The following CPSF3 variants were observed in gnomAD, a reference collection of about 807,000 sequenced individuals.
The protein encoded by CPSF3 is cleavage and polyadenylation specificity factor subunit 3.
A neutral mutation model predicts 84.1 loss-of-function variants in CPSF3; 57 were observed. The observed-to-expected ratio is 0.68, with a 90% CI of 0.55 to 0.85. CPSF3 has a LOEUF of 0.85. Ranked by LOEUF, CPSF3 falls within the 40% of genes least tolerant of loss-of-function variation. The pLI is 0.00. For synonymous variants in CPSF3, 275 were observed against 278.1 expected (o/e 0.99, Z 0.11); for missense variants, 522 against 838.8 (o/e 0.62, Z 4.66).
At position 9,456,970 on chromosome 2, in the gene CPSF3, T is replaced by C. The variant is rs1242787975; in HGVS notation, c.1641T>C (p.Ala547=). The change falls in exon 14 of 18, where the codon GCT becomes GCC. Residue 547 remains alanine, a synonymous_variant. Coordinates refer to ENST00000238112, the MANE Select transcript of CPSF3 (RefSeq NM_016207.4). ...VEELEIQEKP[A]LKVFKNITVI... ...AATTAGAAATTCAAGAAAAACCTGC[T>C]CTGAAAGTGTTCAAAAATATTACTG... The C allele has an allele frequency of 1.2e-6, 2 of 1,604,378 alleles. No homozygotes were observed. Among genetic ancestry groups the C allele is most frequent in the Non-Finnish European group, 1.7e-6 (2 of 1,174,386 alleles).
chr2:9,435,305 G>T (rs1399668674), intron 6 of CPSF3, among the ~76,000 whole-genome samples: 1 of 152,184 alleles, frequency 6.6e-6, no homozygotes, highest in South Asian at 2.1e-4. Flanking sequence ...CTTATCAGAG[G>T]TGGGAGAAAT....
At chr2:9,454,618 T>C (rs1199853131) in intron 12 of CPSF3, among the ~76,000 whole-genome samples, 3 of 149,138 alleles carry the variant, frequency 2.0e-5, no homozygotes, top group Non-Finnish European at 3.0e-5. Context: ...CGTCTCTGCT[T>C]ACTGCAAGCT....
chr2:9,445,508 G>GC (rs2124830806), intron 10 of CPSF3, among the ~76,000 whole-genome samples: 1 of 152,262 alleles, frequency 6.6e-6, no homozygotes, highest in Admixed American at 6.5e-5. Context: ...AGCATGATAG[G>GC]CCTCACAGGT....
chr2:9,425,270 G>A (rs1680342386), intron 1 of CPSF3, among the ~76,000 whole-genome samples: 1 of 152,228 alleles, frequency 6.6e-6, no homozygotes, highest in Non-Finnish European at 1.5e-5. Context: ...TTGAGGTCCA[G>A]TTTAGGAAGC....
At chr2:9,426,603 G>A (rs756310655) in intron 1 of CPSF3, among the ~76,000 whole-genome samples, 53 of 152,078 alleles carry the variant, frequency 3.5e-4, no homozygotes, top group Non-Finnish European at 6.0e-4. Context: ...GCAAACCCTC[G>A]GAATATCAAC....
At chr2:9,424,192 C>T (rs1680245959) in intron 1 of CPSF3, 3 of 1,026,750 alleles carry the variant, frequency 2.9e-6, no homozygotes, top group African/African-American at 1.7e-5. Flanking sequence ...AGCTTATGAC[C>T]GACAGGATGA....
At position 9,468,619 on chromosome 2, in the gene CPSF3, C is replaced by CTTT. The variant is rs5829213; in HGVS notation, c.1856+866_1856+868dup. Among the ~76,000 whole-genome samples, 113 of 108,322 alleles carry CTTT rather than the reference C, an allele frequency of 1.0e-3. 1 individual carries two copies. The highest frequency in any genetic ancestry group is 2.7e-3 in the East Asian group (10 of 3,692). 71.1% of individuals were successfully genotyped at this position (108,322 alleles called of 152,430 possible). ...TCTTTCCCCAAAATTCTACACTGACCTTTTTTTTTTTTTTTTTTTTTTTTT... is the reference window on the plus strand; with the variant it reads ...TCTTTCCCCAAAATTCTACACTGACCTTTTTTTTTTTTTTTTTTTTTTTTTTTT... On this transcript the variant is annotated intron_variant, in intron 16 of 17. Coordinates refer to ENST00000238112, the MANE Select transcript of CPSF3 (RefSeq NM_016207.4).
intron 16 of CPSF3, among the ~76,000 whole-genome samples, chr2:9,468,619 CTTTTTTTT>C (rs5829213): frequency 1.8e-5 from 2 of 108,334 alleles, no homozygotes; most frequent in African/African-American, 4.2e-5. Context: ...CTACACTGAC[CTTTTTTTT>C]TTTTTTTTTT....
chr2:9,456,188 A>T (rs1468965405), intron 13 of CPSF3, among the ~76,000 whole-genome samples: 1 of 150,500 alleles, frequency 6.6e-6, no homozygotes, highest in African/African-American at 2.5e-5. Flanking sequence ...ATAAGAGTTC[A>T]TGACCACTGG....
At chr2:9,449,608 G>T (rs1288149317) in intron 11 of CPSF3, among the ~76,000 whole-genome samples, 1 of 151,974 alleles carries the variant, frequency 6.6e-6, no homozygotes, top group Admixed American at 6.6e-5. Context: ...TGGGTGCAGT[G>T]GCATGCTCCT....
intron 16 of CPSF3, among the ~76,000 whole-genome samples, chr2:9,469,262 G>A (rs1245718667): frequency 1.3e-5 from 2 of 152,080 alleles, no homozygotes. Context: ...CTGTGGGGCG[G>A]GGGCAGGGGA....
intron 11 of CPSF3, among the ~76,000 whole-genome samples, chr2:9,448,926 A>T (rs892559600): frequency 3.9e-5 from 6 of 152,048 alleles, no homozygotes; most frequent in African/African-American, 1.5e-4. Flanking sequence ...TCCTACCCAC[A>T]TCTGAGGGTA....
At chr2:9,427,453 T>C (rs956659159) in intron 1 of CPSF3, among the ~76,000 whole-genome samples, 3 of 152,028 alleles carry the variant, frequency 2.0e-5, no homozygotes, top group Non-Finnish European at 2.9e-5. Context: ...ATAGTTGATA[T>C]GGAAATGAAA....
chr2:9,429,973 T>C lies in CPSF3; in HGVS notation c.165T>C (p.Tyr55=). The C allele has an allele frequency of 6.3e-7, 1 of 1,593,392 alleles. No homozygotes were observed. The highest frequency in any genetic ancestry group is 1.8e-5 in the Admixed American group (1 of 55,492). The stretch of plus-strand genomic sequence containing the variant: ...TAGAAGGAATGGATGCTCTTCCTTA[T>C]ATTGATTTAATTGACCCAGCTGAGA... ...PGLEGMDALP[Y]IDLIDPAEID... The change falls in exon 3 of 18, where the codon TAT becomes TAC. Residue 55 remains tyrosine, a synonymous_variant. Transcript: ENST00000238112.
At chr2:9,466,281 C>T (rs1346675506) in intron 15 of CPSF3, among the ~76,000 whole-genome samples, 5 of 144,264 alleles carry the variant, frequency 3.5e-5, no homozygotes, top group South Asian at 4.4e-4. Flanking sequence ...CACGCACACA[C>T]GTGCGCACAC....
At chr2:9,462,546 G>A (rs899160696) in intron 15 of CPSF3, among the ~76,000 whole-genome samples, 5 of 152,122 alleles carry the variant, frequency 3.3e-5, no homozygotes, top group African/African-American at 1.2e-4. Flanking sequence ...GCTCTGCCTA[G>A]CGGTGATGCT....
In CPSF3 at chr2:9,443,624, C is replaced by G. The variant is rs1346204449; in HGVS notation, c.1205C>G (p.Thr402Ser). The G allele has an allele frequency of 1.2e-6, 2 of 1,613,972 alleles. No homozygotes were observed. Among genetic ancestry groups the G allele is most frequent in the South Asian group, 2.2e-5 (2 of 91,076 alleles). Residue 402 changes from threonine to serine, a missense_variant, in exon 10 of 18, where the codon ACC (threonine) becomes AGC (serine). This residue lies in a region of CPSF3 where 329 missense variants were observed against 607.2 expected (regional missense o/e 0.54). Transcript: ENST00000238112. ...SFSAHTDYQQ[T>S]SEFIRALKPP... ...TCAGCTCACACGGATTACCAGCAAA[C>G]CAGTGAATTTATTCGTGCTTTGAAA...
At chr2:9,433,995 A>G (rs777478079) in intron 6 of CPSF3, 35 bp downstream of exon 6, 1 of 1,235,200 alleles carries the variant, frequency 8.1e-7, no homozygotes, top group Non-Finnish European at 1.2e-6. Flanking sequence ...AATCAATGTA[A>G]TGTAAGCAGA....
At chr2:9,471,510 C>A in intron 17 of CPSF3, 71 bp downstream of exon 17, 1 of 916,674 alleles carries the variant, frequency 1.1e-6, no homozygotes, top group South Asian at 1.3e-5. Context: ...AATCTGTGCT[C>A]TCACACTCAA....
Sources: allele counts gnomAD v4.1 joint callset (sites outside exome capture counted in the v4.1 genomes callset), GRCh38; gene constraint gnomAD v4.1.1; regional missense constraint gnomAD v4.1.1; transcripts MANE v1.5; gene names NCBI Gene and HGNC (gene_info 2026-07-23, HGNC 2026-07-21).